Variants in TTC28 observed in about 807,000 individuals in gnomAD.
The protein encoded by TTC28 is tetratricopeptide repeat protein 28.
Under a neutral mutation model 198.0 loss-of-function variants are expected in TTC28, and 61 were observed. The observed-to-expected ratio is 0.31, with a 90% CI of 0.25 to 0.38. TTC28 has a LOEUF of 0.38. TTC28 is among the 10% of genes least tolerant of loss of function. TTC28 has a pLI of 1.00. For synonymous variants in TTC28, 1,171 were observed against 1,297.8 expected (o/e 0.90, Z 2.10); for missense variants, 2,678 against 3,164.0 (o/e 0.85, Z 3.69).
intron 12 of TTC28, among the ~76,000 whole-genome samples, chr22:28,061,367 TTTA>T (rs1940531987): frequency 6.6e-6 from 1 of 152,256 alleles, no homozygotes; most frequent in African/African-American, 2.4e-5. Flanking sequence ...CACTTAAGTC[TTTA>T]ATCCATCTTG....
chr22:28,193,310 C>T (rs147187945), intron 5 of TTC28, among the ~76,000 whole-genome samples: 50 of 152,246 alleles, frequency 3.3e-4, no homozygotes, highest in African/African-American at 1.1e-3. Context: ...AAGGAACAAC[C>T]GGTACCAACC....
chr22:28,606,703 C>A (rs866883848), intron 2 of TTC28, among the ~76,000 whole-genome samples: 2 of 151,992 alleles, frequency 1.3e-5, no homozygotes, highest in African/African-American at 4.8e-5. Flanking sequence ...ACCAAAAAGA[C>A]CTGAGCATAG....
At chr22:28,522,415 G>T (rs949809812) in intron 2 of TTC28, among the ~76,000 whole-genome samples, 2 of 151,782 alleles carry the variant, frequency 1.3e-5, no homozygotes, top group African/African-American at 4.8e-5. Context: ...TTGGACCCAG[G>T]AGGTGGAGGT....
chr22:28,208,031 C>T (rs1247360150), intron 5 of TTC28, among the ~76,000 whole-genome samples: 1 of 152,050 alleles, frequency 6.6e-6, no homozygotes, highest in Non-Finnish European at 1.5e-5. Context: ...TTCTACAAGT[C>T]CTATACCTAT....
At chr22:28,069,102 A>G (rs1208998030) in intron 12 of TTC28, among the ~76,000 whole-genome samples, 3 of 152,204 alleles carry the variant, frequency 2.0e-5, no homozygotes, top group South Asian at 4.1e-4. Context: ...AAAGACAGCA[A>G]AAGTCTGGAA....
In TTC28 at chr22:28,623,075, G is replaced by A. The variant is rs905752531; in HGVS notation, c.381+6477C>T. Reference sequence around the variant, plus strand: ...TAACCTCAGGTGATCCACCCACCTCGGCCTCCCAAAGTGCTGGGATTACAG... The same window carrying A: ...TAACCTCAGGTGATCCACCCACCTCAGCCTCCCAAAGTGCTGGGATTACAG... On this transcript the variant is annotated intron_variant, in intron 2 of 22. Coordinates refer to ENST00000397906, the MANE Select transcript of TTC28 (RefSeq NM_001145418.2). Among the ~76,000 whole-genome samples the A allele has an allele frequency of 1.4e-4, 21 of 152,088 alleles. No homozygotes were observed. In the South Asian group the frequency reaches 2.3e-3, roughly 17 times the overall value.
chr22:28,648,989 T>C (rs2051525015), intron 1 of TTC28, among the ~76,000 whole-genome samples: 1 of 152,104 alleles, frequency 6.6e-6, no homozygotes, highest in Admixed American at 6.6e-5. Flanking sequence ...ATGTGGTATG[T>C]ATACACCATG....
chr22:28,584,447 C>T (rs1429764615), intron 2 of TTC28, among the ~76,000 whole-genome samples: 1 of 152,134 alleles, frequency 6.6e-6, no homozygotes, highest in Non-Finnish European at 1.5e-5. Flanking sequence ...CTGTCTCTCT[C>T]ATTTTTTGAT....
chr22:28,656,785 G>T (rs2051663573), intron 1 of TTC28, among the ~76,000 whole-genome samples: 1 of 152,076 alleles, frequency 6.6e-6, no homozygotes, highest in African/African-American at 2.4e-5. Context: ...AGGGGGGAAG[G>T]ATAGCATTAG....
chr22:28,378,618 A>G (rs2046449125), intron 2 of TTC28, among the ~76,000 whole-genome samples: 1 of 152,038 alleles, frequency 6.6e-6, no homozygotes, highest in Admixed American at 6.6e-5. Context: ...ACACTCTACC[A>G]TGAGCAATAG....
intron 6 of TTC28, among the ~76,000 whole-genome samples, chr22:28,158,545 G>A (rs1053242293): frequency 1.3e-5 from 2 of 152,134 alleles, no homozygotes; most frequent in Non-Finnish European, 2.9e-5. Flanking sequence ...AAAGCAGCAT[G>A]TAATGGTATA....
intron 6 of TTC28, among the ~76,000 whole-genome samples, chr22:28,112,055 C>T (rs1942495040): frequency 6.6e-6 from 1 of 152,098 alleles, no homozygotes; most frequent in African/African-American, 2.4e-5. Flanking sequence ...AGCTGAGTGT[C>T]TTTGAGACAC....
intron 2 of TTC28, among the ~76,000 whole-genome samples, chr22:28,309,734 C>A (rs986803565): frequency 2.0e-5 from 3 of 152,148 alleles, no homozygotes; most frequent in African/African-American, 7.2e-5. Flanking sequence ...AACATCAGAT[C>A]ACATACACAC....
chr22:28,172,108 CCCACCCAGAAAT>C (rs1391769142), intron 5 of TTC28, among the ~76,000 whole-genome samples: 1 of 152,084 alleles, frequency 6.6e-6, no homozygotes, highest in Non-Finnish European at 1.5e-5. Context: ...ACAACCCACT[CCCACCCAGAAAT>C]CTTTGTTACC....
At chr22:28,512,424 G>A (rs1225704351) in intron 2 of TTC28, among the ~76,000 whole-genome samples, 1 of 152,006 alleles carries the variant, frequency 6.6e-6, no homozygotes, top group Non-Finnish European at 1.5e-5. Flanking sequence ...CTCATTACTG[G>A]GTACATACCC....
intron 2 of TTC28, among the ~76,000 whole-genome samples, chr22:28,536,212 A>C (rs537682444): frequency 1.4e-5 from 2 of 147,614 alleles, no homozygotes; most frequent in East Asian, 3.9e-4. Flanking sequence ...AAAAAAAAAA[A>C]AAAAAAAACA....
chr22:28,466,252 A>C (rs2048019349), intron 2 of TTC28, among the ~76,000 whole-genome samples: 1 of 152,194 alleles, frequency 6.6e-6, no homozygotes, highest in Non-Finnish European at 1.5e-5. Context: ...TCGCATGAAG[A>C]GCATCCACTA....
intron 2 of TTC28, among the ~76,000 whole-genome samples, chr22:28,359,900 A>G (rs1016844711): frequency 3.9e-5 from 6 of 152,124 alleles, no homozygotes; most frequent in Admixed American, 1.3e-4. Context: ...TCCAAGCAAT[A>G]TACATGACAT....
intron 12 of TTC28, among the ~76,000 whole-genome samples, chr22:28,044,568 T>G (rs568411739): frequency 9.0e-4 from 137 of 152,240 alleles, no homozygotes; most frequent in Middle Eastern, 3.4e-3. Context: ...TCGTCATTTA[T>G]CATTAGGTAT....
Sources: allele counts gnomAD v4.1 joint callset (sites outside exome capture counted in the v4.1 genomes callset), GRCh38; gene constraint gnomAD v4.1.1; transcripts MANE v1.5; gene names NCBI Gene and HGNC (gene_info 2026-07-23, HGNC 2026-07-21).